NCS1: variants seen among roughly 807,000 people sequenced by gnomAD.
NCS1 encodes frequenin homolog.
NCS1 carries 6 observed loss-of-function variants against 28.4 expected under a neutral mutation model. That is an observed-to-expected ratio of 0.21 (90% confidence interval 0.12 to 0.42). The LOEUF is 0.42. NCS1 is among the 10% of genes least tolerant of loss of function. The probability of loss-of-function intolerance (pLI) is 1.00; values close to 1 mark genes in which losing one functional copy is unlikely to be tolerated. For synonymous variants in NCS1, 86 were observed against 99.3 expected (o/e 0.87, Z 0.79); for missense variants, 131 against 241.4 (o/e 0.54, Z 3.03).
chr9:130,218,119 C>T (rs782345281), intron 3 of NCS1, 149 bp downstream of exon 3: 13 of 1,037,296 alleles, frequency 1.3e-5, no homozygotes, highest in African/African-American at 6.3e-5. Context: ...GATACATAGT[C>T]GCACATAAAT....
rs544285796 is a variant in NCS1, at chr9:130,193,428, C to T, written c.65-7530C>T. On this transcript the variant is annotated intron_variant, in intron 1 of 7. Coordinates refer to ENST00000372398, the MANE Select transcript of NCS1 (RefSeq NM_014286.4). ...CACAGCAGCTGGGATGGTGTGGGGG[C>T]GACGTCCAGCCAGCCCTGGACAGTG... is the stretch of plus-strand genomic sequence containing the variant. Among the ~76,000 whole-genome samples, 22 of 151,998 alleles carry T rather than the reference C, an allele frequency of 1.4e-4. 1 individual carries two copies. The highest frequency in any genetic ancestry group is 7.8e-4 in the East Asian group (4 of 5,158).
rs562990483 is a variant in NCS1 at position 130,191,807 on chromosome 9, C to T, written c.65-9151C>T. The stretch of plus-strand genomic sequence containing the variant: ...TGGAAGGGGCAGCGAGCAGAGCAGA[C>T]GGGGCCCGCCCACCTTTCCTGCCAG... On this transcript the variant is annotated intron_variant, in intron 1 of 7. Transcript: ENST00000372398. This position sits in a 1 kb window ranked among gnomAD's most constrained non-coding sequence, Gnocchi z 6.4. 2.6e-5 allele frequency among the ~76,000 whole-genome samples: 4 copies of T among 152,334 alleles called. No homozygotes were observed. The highest frequency in any genetic ancestry group is 1.9e-4 in the East Asian group (1 of 5,184).
In NCS1 at chr9:130,219,738, A is replaced by G. The variant is rs1554909952; in HGVS notation, c.242A>G (p.Glu81Gly). The G allele has an allele frequency of 1.9e-6, 3 of 1,614,142 alleles. No homozygotes were observed. The Admixed American group carries it at 5.0e-5, about 27-fold the overall frequency. ...VFDENKDGRI[E>G]FSEFIQALSV... is the part of the protein sequence containing the mutation. Reference sequence around the variant, plus strand: ...CTCTCCTGTCAGGACGGGCGAATTGAGTTCTCCGAGTTCATCCAGGCGCTG... The same window carrying G: ...CTCTCCTGTCAGGACGGGCGAATTGGGTTCTCCGAGTTCATCCAGGCGCTG... The change falls in exon 4 of 8, where the codon GAG becomes GGG. Residue 81 changes from glutamate (E) to glycine (G), a missense_variant. Physicochemically the swap from Glu to Gly is moderately conservative, Grantham distance 98. This residue lies in a region of NCS1 where 100 missense variants were observed against 210.3 expected (regional missense o/e 0.48). Coordinates refer to ENST00000372398, the MANE Select transcript of NCS1 (RefSeq NM_014286.4). The surrounding 1 kb of genome is among the most constrained non-coding windows in gnomAD (Gnocchi z 5.7).
rs1473875167 is a variant in NCS1 at position 130,180,969 on chromosome 9, C to T, written c.64+8242C>T. On this transcript the variant is annotated intron_variant, in intron 1 of 7. Transcript: ENST00000372398. This position sits in a 1 kb window ranked among gnomAD's most constrained non-coding sequence, Gnocchi z 4.5. ...GGGTTGTGGCAGGCTGGCTTTTAGG[C>T]TCCTGTGCGCCCAGGGGCTCAGAGG... is the stretch of plus-strand genomic sequence containing the variant. 6.6e-6 allele frequency among the ~76,000 whole-genome samples: 1 copy of T among 152,150 alleles called. No homozygotes were observed. The highest frequency in any genetic ancestry group is 1.5e-5 in the Non-Finnish European group (1 of 68,016).
At position 130,215,732 on chromosome 9, in the gene NCS1, G is replaced by A. The variant is rs1833174223; in HGVS notation, c.90-2100G>A. ...ATTATGGGCTGTTACAAAGGCCTGT[G>A]GTTCCTGAGCCAGGACCTACCTCCC... On this transcript the variant is annotated intron_variant, in intron 2 of 7. Transcript: ENST00000372398. This position sits in a 1 kb window ranked among gnomAD's most constrained non-coding sequence, Gnocchi z 4.2. Among the ~76,000 whole-genome samples the A allele has an allele frequency of 6.6e-6, 1 of 152,150 alleles. No homozygotes were observed. Among genetic ancestry groups the A allele is most frequent in the South Asian group, 2.1e-4 (1 of 4,828 alleles).
chr9:130,198,612 T>C (rs1310067174), intron 1 of NCS1, among the ~76,000 whole-genome samples: 2 of 152,176 alleles, frequency 1.3e-5, no homozygotes, highest in Non-Finnish European at 2.9e-5. Context: ...CAATTCCTCA[T>C]TGGGAAAACG....
At position 130,236,062 on chromosome 9, in the gene NCS1, C is replaced by T. The variant is rs1554913013; in HGVS notation, c.*3090C>T. 1 of 152,246 alleles carries T rather than the reference C, an allele frequency of 6.6e-6. No homozygotes were observed. The highest frequency in any genetic ancestry group is 1.5e-5 in the Non-Finnish European group (1 of 68,050). The allele number at this position is 152,246 out of a possible 1,614,324, so 9.4% of individuals were successfully genotyped here. A position where few individuals can be genotyped will look rare whatever the true frequency, so the allele number is the denominator to read the frequency against. Reference sequence around the variant, plus strand: ...ACATCAAGGCAAGCGTACGTGTCACCCTCTGTACTGACATCTCTTCCCCTG... The same window carrying T: ...ACATCAAGGCAAGCGTACGTGTCACTCTCTGTACTGACATCTCTTCCCCTG... On this transcript the variant is annotated 3_prime_UTR_variant, in exon 8 of 8. Transcript: ENST00000372398.
chr9:130,211,116 G>A (rs1452047852), intron 2 of NCS1, among the ~76,000 whole-genome samples: 1 of 143,300 alleles, frequency 7.0e-6, no homozygotes, highest in Non-Finnish European at 1.5e-5. Flanking sequence ...GCCTCCCAAA[G>A]TGCTGGGATT....
intron 1 of NCS1, among the ~76,000 whole-genome samples, chr9:130,198,876 G>A (rs1441636672): frequency 2.0e-5 from 3 of 152,016 alleles, no homozygotes; most frequent in South Asian, 2.1e-4. Flanking sequence ...TTCAGCATCC[G>A]CCCCACAGCC....
chr9:130,222,597 C>T, intron 4 of NCS1, 53 bp from the exon 5 acceptor site: 1 of 1,523,934 alleles, frequency 6.6e-7, no homozygotes, highest in South Asian at 1.1e-5. Context: ...GAGTTGAAGA[C>T]CCCTCCCCAC....
chr9:130,216,590 C>T (rs1588122320), intron 2 of NCS1, among the ~76,000 whole-genome samples: 1 of 152,066 alleles, frequency 6.6e-6, no homozygotes, highest in Non-Finnish European at 1.5e-5. Context: ...GTGGTACATG[C>T]CTGTAATCCC....
In NCS1 at chr9:130,219,593, G is replaced by A. The variant is rs1554909925; in HGVS notation, c.229-132G>A. On this transcript the variant is annotated intron_variant, in intron 3 of 7. Coordinates refer to ENST00000372398, the MANE Select transcript of NCS1 (RefSeq NM_014286.4). This position sits in a 1 kb window ranked among gnomAD's most constrained non-coding sequence, Gnocchi z 5.7. ...TCTCGCCCCCCATTCCTTCGAGCCT[G>A]CCCTCTCCACCTGAGTGTCCATTGG... The A allele has an allele frequency of 2.6e-6, 2 of 774,668 alleles. No homozygotes were observed. Among genetic ancestry groups the A allele is most frequent in the African/African-American group, 1.8e-5 (1 of 57,116 alleles). 48.0% of individuals were successfully genotyped at this position (774,668 alleles called of 1,614,324 possible).
chr9:130,235,244 G>C lies in NCS1; in HGVS notation c.*2272G>C, dbSNP rs536297243. On this transcript the variant is annotated 3_prime_UTR_variant, in exon 8 of 8. Coordinates refer to ENST00000372398, the MANE Select transcript of NCS1 (RefSeq NM_014286.4). ...GCTCCCTGCTCAGCTGCTGGCCCGG[G>C]CGACCTGGGACTCAGCACCAACGGC... 6.6e-6 allele frequency: 1 copy of C among 152,480 alleles called. No individual in the cohort carries two copies. Among genetic ancestry groups the C allele is most frequent in the Non-Finnish European group, 1.5e-5 (1 of 68,266 alleles). 9.4% of individuals were successfully genotyped at this position (152,480 alleles called of 1,614,324 possible). A position where few individuals can be genotyped will look rare whatever the true frequency, so the allele number is the denominator to read the frequency against.
chr9:130,187,698 A>G (rs1554905791), intron 1 of NCS1, among the ~76,000 whole-genome samples: 1 of 152,112 alleles, frequency 6.6e-6, no homozygotes, highest in Admixed American at 6.5e-5. Flanking sequence ...TGCCAATGCC[A>G]TCTCCATCTA....
At chr9:130,223,349 C>T (rs782741349) in intron 6 of NCS1, among the ~76,000 whole-genome samples, 190 bp downstream of exon 6, 11 of 152,036 alleles carry the variant, frequency 7.2e-5, no homozygotes, top group Admixed American at 7.2e-4. Context: ...TCAGTTTGCT[C>T]AGCATGTTTT....
chr9:130,228,938 G>A (rs993676058), intron 7 of NCS1, among the ~76,000 whole-genome samples: 2 of 152,032 alleles, frequency 1.3e-5, no homozygotes, highest in South Asian at 4.1e-4. Context: ...CCAAAGTGCT[G>A]GAACTGCAGG....
At chr9:130,184,100 G>A (rs1350979838) in intron 1 of NCS1, among the ~76,000 whole-genome samples, 5 of 152,008 alleles carry the variant, frequency 3.3e-5, no homozygotes, top group African/African-American at 4.8e-5. Context: ...GTGAGCCACC[G>A]CGCCCGGCGT....
At chr9:130,174,790 CAAAAAA>C (rs34473694) in intron 1 of NCS1, among the ~76,000 whole-genome samples, 1 of 91,580 alleles carries the variant, frequency 1.1e-5, no homozygotes, top group Non-Finnish European at 1.9e-5. Context: ...ACTCTGTCTC[CAAAAAA>C]AAAAAAAAAA....
chr9:130,221,362 A>G (rs1402348516), intron 4 of NCS1, among the ~76,000 whole-genome samples: 1 of 142,318 alleles, frequency 7.0e-6, no homozygotes, highest in Non-Finnish European at 1.5e-5. Flanking sequence ...AATATTTAAT[A>G]TATATATAAA....
Sources: gnomAD v4.1 joint callset for allele counts (sites outside exome capture counted in the v4.1 genomes callset) on GRCh38, gnomAD v4.1.1 for gene constraint, gnomAD v4.1.1 regional missense constraint, Gnocchi (gnomAD v3.1) non-coding constraint, MANE v1.5 for transcripts, NCBI Gene and HGNC (gene_info 2026-07-23, HGNC 2026-07-21) for gene names.